The following PHACTR3 variants were observed in gnomAD, a reference collection of about 807,000 sequenced individuals.
PHACTR3 encodes protein phosphatase 1, regulatory subunit 123.
A neutral mutation model predicts 66.8 loss-of-function variants in PHACTR3; 16 were observed. That is an observed-to-expected ratio of 0.24 (90% CI 0.16 to 0.36). PHACTR3 has a LOEUF of 0.36. Among genes scored for constraint, PHACTR3 ranks in the 10% least tolerant of loss-of-function variants. PHACTR3 has a pLI of 1.00. For synonymous variants in PHACTR3, 323 were observed against 292.1 expected (o/e 1.11, Z -1.08); for missense variants, 647 against 719.9 (o/e 0.90, Z 1.16).
chr20:59,669,846 A>G (rs139366545), intron 1 of PHACTR3, among the ~76,000 whole-genome samples: 3 of 152,338 alleles, frequency 2.0e-5, no homozygotes, highest in Non-Finnish European at 4.4e-5. Context: ...CTGTCTGGAT[A>G]CATCACACTT....
chr20:59,784,847 C>T (rs1483510332), intron 7 of PHACTR3, among the ~76,000 whole-genome samples: 1 of 152,184 alleles, frequency 6.6e-6, no homozygotes, highest in Non-Finnish European at 1.5e-5. Flanking sequence ...CAAAGGCTGC[C>T]TCTGGGCCTG....
intron 8 of PHACTR3, among the ~76,000 whole-genome samples, chr20:59,818,737 C>T (rs2041950769): frequency 6.6e-6 from 1 of 152,212 alleles, no homozygotes; most frequent in African/African-American, 2.4e-5. Context: ...TTTGCTTCAC[C>T]AACTTGATCT....
intron 8 of PHACTR3, among the ~76,000 whole-genome samples, chr20:59,808,665 C>G (rs1247284445): frequency 6.6e-6 from 1 of 152,222 alleles, no homozygotes; most frequent in East Asian, 1.9e-4. Context: ...GTCCCCAGGC[C>G]CCTGAGTCAC....
At chr20:59,789,676 G>A (rs781224933) in intron 7 of PHACTR3, among the ~76,000 whole-genome samples, 1 of 152,238 alleles carries the variant, frequency 6.6e-6, no homozygotes. Flanking sequence ...GGAAGTTCTA[G>A]AATTAAAAGG....
intron 1 of PHACTR3, among the ~76,000 whole-genome samples, chr20:59,691,930 T>A (rs545025076): frequency 6.6e-6 from 1 of 152,328 alleles, no homozygotes; most frequent in Non-Finnish European, 1.5e-5. Flanking sequence ...AATTACTTAA[T>A]ATTTAGCTTA....
chr20:59,847,078 A>G, intron 12 of PHACTR3, 37 bp from the exon 13 acceptor site: 1 of 1,433,972 alleles, frequency 7.0e-7, no homozygotes, highest in Non-Finnish European at 9.7e-7. Flanking sequence ...CTAGAAATGA[A>G]TAACCTTAAA....
At chr20:59,680,944 C>T (rs1253162770) in intron 1 of PHACTR3, among the ~76,000 whole-genome samples, 1 of 152,228 alleles carries the variant, frequency 6.6e-6, no homozygotes. Context: ...CAGGGTCATT[C>T]TAAGGGTATG....
intron 1 of PHACTR3, among the ~76,000 whole-genome samples, chr20:59,596,664 G>C (rs185543339): frequency 1.3e-5 from 2 of 152,298 alleles, no homozygotes; most frequent in Admixed American, 1.3e-4. Context: ...GTTATTCTGC[G>C]TGTAACACCT....
intron 12 of PHACTR3, among the ~76,000 whole-genome samples, 197 bp from the exon 13 acceptor site, chr20:59,846,918 A>G (rs1368611601): frequency 3.9e-5 from 6 of 152,174 alleles, no homozygotes; most frequent in South Asian, 2.1e-4. Context: ...AATTCAGCAT[A>G]TAACAGGGGC....
At chr20:59,687,791 G>A (rs1452914066) in intron 1 of PHACTR3, among the ~76,000 whole-genome samples, 2 of 152,094 alleles carry the variant, frequency 1.3e-5, no homozygotes, top group Non-Finnish European at 2.9e-5. Flanking sequence ...GATGGGCACC[G>A]TAGCAGGACA....
chr20:59,676,726 G>A (rs968507255), intron 1 of PHACTR3: 1 of 985,110 alleles, frequency 1.0e-6, no homozygotes, highest in Non-Finnish European at 1.2e-6. Flanking sequence ...TTCTGGGGAA[G>A]ATAAAGCCCT....
At chr20:59,741,281 T>C (rs1268135435) in intron 1 of PHACTR3, among the ~76,000 whole-genome samples, 2 of 152,244 alleles carry the variant, frequency 1.3e-5, no homozygotes, top group Non-Finnish European at 2.9e-5. Context: ...CATGGGAGGC[T>C]GAGCCAGCTG....
At chr20:59,769,523 C>T (rs2146878026) in intron 5 of PHACTR3, among the ~76,000 whole-genome samples, 1 of 152,346 alleles carries the variant, frequency 6.6e-6, no homozygotes, top group South Asian at 2.1e-4. Flanking sequence ...TGATTTCAGA[C>T]TTCTGGTCTC....
intron 1 of PHACTR3, among the ~76,000 whole-genome samples, chr20:59,739,097 G>T (rs1306816356): frequency 2.0e-5 from 3 of 152,164 alleles, no homozygotes; most frequent in Non-Finnish European, 1.5e-5. Context: ...TGGCCGGGAG[G>T]ATCTGTGGTT....
intron 1 of PHACTR3, among the ~76,000 whole-genome samples, chr20:59,651,256 C>CCATTA (rs771532227): frequency 8.5e-5 from 13 of 152,248 alleles, no homozygotes; most frequent in Middle Eastern, 3.4e-3. Flanking sequence ...ATACATCCTC[C>CCATTA]CATTACATTA....
chr20:59,591,677 T>C (rs914023551), intron 1 of PHACTR3, among the ~76,000 whole-genome samples: 6 of 152,084 alleles, frequency 3.9e-5, no homozygotes, highest in Admixed American at 6.5e-5. Context: ...TTGAGATCCA[T>C]TGAGACTCCA....
At chr20:59,659,453 A>G (rs1341878966) in intron 1 of PHACTR3, among the ~76,000 whole-genome samples, 5 of 145,998 alleles carry the variant, frequency 3.4e-5, no homozygotes, top group South Asian at 4.4e-4. Flanking sequence ...GCTGACTGCA[A>G]CCTCTGCCTC....
At chr20:59,625,428 A>G (rs2034411724) in intron 1 of PHACTR3, among the ~76,000 whole-genome samples, 4 of 152,128 alleles carry the variant, frequency 2.6e-5, no homozygotes, top group Admixed American at 2.6e-4. Context: ...ACTCTCCGCA[A>G]GTCACTTTCA....
upstream of PHACTR3, among the ~76,000 whole-genome samples, chr20:59,601,012 T>C (rs189279932): frequency 7.9e-5 from 12 of 152,250 alleles, 1 homozygote; most frequent in East Asian, 2.3e-3. Context: ...ATTTAAAGTA[T>C]AAAATTCAGT....
Sources: allele counts gnomAD v4.1 joint callset (sites outside exome capture counted in the v4.1 genomes callset), GRCh38; gene constraint gnomAD v4.1.1; transcripts MANE v1.5; gene names NCBI Gene and HGNC (gene_info 2026-07-23, HGNC 2026-07-21).